Variants in UVSSA observed in about 807,000 individuals in gnomAD.
UVSSA encodes UV stimulated scaffold protein A.
A neutral mutation model predicts 73.9 loss-of-function variants in UVSSA; 72 were observed. The ratio of observed to expected loss-of-function variants is 0.97; its 90% CI spans 0.81 to 1.19. The LOEUF (loss-of-function observed/expected upper bound fraction) is 1.19. UVSSA is among the 50% of genes most tolerant of loss of function. UVSSA has a pLI of 0.00. For missense variants in UVSSA, 1,150 were observed against 965.0 expected (o/e 1.19, Z -2.54); for synonymous variants, 454 against 391.3 (o/e 1.16, Z -1.89).
chr4:1,381,663 C>G (rs1719517544), intron 12 of UVSSA, among the ~76,000 whole-genome samples: 1 of 150,726 alleles, frequency 6.6e-6, no homozygotes, highest in African/African-American at 2.4e-5. Context: ...CAGGCGCTCT[C>G]TCTTCTTTTT....
intron 8 of UVSSA, among the ~76,000 whole-genome samples, chr4:1,373,863 C>T (rs1213527227): frequency 1.3e-5 from 2 of 152,182 alleles, no homozygotes; most frequent in African/African-American, 4.8e-5. Context: ...CCCAACAAGT[C>T]CTCTGCACCT....
chr4:1,358,570 G>A (rs141101604), intron 7 of UVSSA: 1 of 152,382 alleles, frequency 6.6e-6, no homozygotes, highest in East Asian at 1.9e-4. Context: ...TCAGGTGAGC[G>A]ATGCTTCCCA....
At chr4:1,376,589 C>T (rs1718798739) in intron 10 of UVSSA, among the ~76,000 whole-genome samples, 1 of 152,182 alleles carries the variant, frequency 6.6e-6, no homozygotes, top group African/African-American at 2.4e-5. Flanking sequence ...GGCGGGGGCT[C>T]TGCAAGGAGC....
chr4:1,394,307 C>A, exon 14 of UVSSA: 5 of 951,146 alleles, frequency 5.3e-6, no homozygotes, highest in Non-Finnish European at 7.6e-6. Flanking sequence ...TCTTTCTTGG[C>A]TTCTAAGTTT....
At chr4:1,360,713 A>G (rs1029269406) in intron 7 of UVSSA, among the ~76,000 whole-genome samples, 2 of 152,156 alleles carry the variant, frequency 1.3e-5, no homozygotes, top group African/African-American at 4.8e-5. Context: ...AGAGCCCGGG[A>G]GCAAGGACAC....
At chr4:1,381,584 G>A (rs1029810420) in intron 12 of UVSSA, among the ~76,000 whole-genome samples, 23 of 151,876 alleles carry the variant, frequency 1.5e-4, no homozygotes, top group African/African-American at 4.4e-4. Context: ...GCCTCCCCTC[G>A]GGCCCATCTG....
exon 14 of UVSSA, chr4:1,393,243 T>G (rs528025073): frequency 6.6e-6 from 1 of 152,262 alleles, no homozygotes; most frequent in African/African-American, 2.4e-5. Flanking sequence ...ATTTCAGTTA[T>G]TGTACTTTTC....
chr4:1,344,101 A>C (rs1713523526), upstream of UVSSA, among the ~76,000 whole-genome samples: 1 of 151,786 alleles, frequency 6.6e-6, no homozygotes. Context: ...TTGTGCCTGT[A>C]TGTCATACGC....
intron 4 of UVSSA, among the ~76,000 whole-genome samples, chr4:1,352,447 TGAG>T (rs985363064): frequency 6.6e-6 from 1 of 152,086 alleles, no homozygotes; most frequent in African/African-American, 2.4e-5. Context: ...GCCCAGACAA[TGAG>T]GAGGCTGCCA....
At chr4:1,395,318 C>A (rs1258184235) in exon 14 of UVSSA, 2 of 1,501,942 alleles carry the variant, frequency 1.3e-6, no homozygotes, top group Admixed American at 1.9e-5. Context: ...TGTGGAGTGC[C>A]CGCCTGCTCA....
Position 1,362,982 on chromosome 4 carries a change from C to T in UVSSA, c.1177-3338C>T, listed in dbSNP as rs888674006. Among the ~76,000 whole-genome samples, 8 of 152,314 alleles carry T rather than the reference C, an allele frequency of 5.3e-5. No homozygotes were observed. In the South Asian group the frequency reaches 1.4e-3, roughly 28 times the overall value. ...CCCAGCAGCAGATGTTGGAGGTGAC[C>T]GCACTGTGCGTCTGTGGGTTTCAGA... On this transcript the variant is annotated intron_variant, in intron 7 of 13. Coordinates refer to ENST00000389851, the MANE Select transcript of UVSSA (RefSeq NM_020894.4).
At position 1,348,163 on chromosome 4, in the gene UVSSA, A is replaced by G. The variant is rs765616854; in HGVS notation, c.72A>G (p.Lys24=). ...GAGAACCCCGACTAAATCCTGAGAA[A>G]ATGAAGGAACTGAAGAAAATTTGCA... is the stretch of plus-strand genomic sequence containing the variant. The part of the protein sequence containing the change: ...TSGEPRLNPE[K]MKELKKICKS... The change falls in exon 2 of 14, where the codon AAA becomes AAG. Residue 24 remains lysine, a synonymous_variant. Transcript: ENST00000389851. The G allele has an allele frequency of 6.2e-7, 1 of 1,613,948 alleles. No individual in the cohort carries two copies. The highest frequency in any genetic ancestry group is 8.5e-7 in the Non-Finnish European group (1 of 1,179,990).
intron 8 of UVSSA, among the ~76,000 whole-genome samples, chr4:1,369,157 C>T (rs977872151): frequency 6.6e-5 from 10 of 152,246 alleles, no homozygotes; most frequent in Non-Finnish European, 1.5e-5. Context: ...CTTGAAGGTG[C>T]CGATGTGCCC....
intron 8 of UVSSA, among the ~76,000 whole-genome samples, chr4:1,366,734 C>T (rs1180427154): frequency 6.6e-6 from 1 of 152,208 alleles, no homozygotes; most frequent in African/African-American, 2.4e-5. Flanking sequence ...GCCAGGCAGG[C>T]CCTCAGGTGC....
intron 12 of UVSSA, among the ~76,000 whole-genome samples, chr4:1,382,467 C>T (rs1426594173): frequency 3.3e-5 from 5 of 152,232 alleles, no homozygotes; most frequent in African/African-American, 4.8e-5. Flanking sequence ...CTGCAGGGCC[C>T]GTCAGCGCCC....
chr4:1,354,254 G>A (rs1715291520), intron 5 of UVSSA, among the ~76,000 whole-genome samples: 2 of 152,254 alleles, frequency 1.3e-5, no homozygotes, highest in East Asian at 1.9e-4. Flanking sequence ...GCTCTGCCCT[G>A]CGCCGGACAC....
At chr4:1,393,573 A>AC (rs1560500258) in exon 14 of UVSSA, 7 of 96,868 alleles carry the variant, frequency 7.2e-5, no homozygotes, top group African/African-American at 2.3e-4. Flanking sequence ...AGATAGATAG[A>AC]TTAGATAGAT....
chr4:1,377,405 C>G (rs1577365709), intron 10 of UVSSA, among the ~76,000 whole-genome samples: 1 of 152,310 alleles, frequency 6.6e-6, no homozygotes, highest in East Asian at 1.9e-4. Context: ...CAGGGCTCCA[C>G]AGACACCGCC....
At chr4:1,378,153 G>A (rs1160238991) in intron 10 of UVSSA, among the ~76,000 whole-genome samples, 3 of 152,192 alleles carry the variant, frequency 2.0e-5, no homozygotes, top group South Asian at 2.1e-4. Context: ...AAGATGATGC[G>A]GGTCCGGGAA....
Sources: allele counts gnomAD v4.1 joint callset (sites outside exome capture counted in the v4.1 genomes callset), GRCh38; gene constraint gnomAD v4.1.1; transcripts MANE v1.5; gene names NCBI Gene and HGNC (gene_info 2026-07-23, HGNC 2026-07-21).